MRPL50: variants seen among roughly 807,000 people sequenced by gnomAD.
MRPL50 encodes mitochondrial ribosomal protein L50.
A neutral mutation model predicts 16.2 loss-of-function variants in MRPL50; 10 were observed. The ratio of observed to expected loss-of-function variants is 0.62; its 90% CI spans 0.38 to 1.05. The LOEUF (loss-of-function observed/expected upper bound fraction) is 1.05, where lower values mean the gene tolerates loss of function less well. Ranked by LOEUF, MRPL50 falls within the 50% of genes least tolerant of loss-of-function variation. The pLI is 0.01. For missense variants in MRPL50, 213 were observed against 187.1 expected (o/e 1.14, Z -0.81); for synonymous variants, 68 against 66.8 (o/e 1.02, Z -0.09).
chr9:101,396,179 C>T (rs1356863355), intron 1 of MRPL50, among the ~76,000 whole-genome samples: 1 of 152,030 alleles, frequency 6.6e-6, no homozygotes, highest in Non-Finnish European at 1.5e-5. Flanking sequence ...AAAAACGGCA[C>T]CCTTATATGC....
At chr9:101,391,126 C>A (rs1830265171) in intron 1 of MRPL50, among the ~76,000 whole-genome samples, 1 of 152,040 alleles carries the variant, frequency 6.6e-6, no homozygotes, top group African/African-American at 2.4e-5. Flanking sequence ...GATTCCCCAT[C>A]CTCCAAGATC....
intron 1 of MRPL50, among the ~76,000 whole-genome samples, chr9:101,394,431 A>G (rs1246727376): frequency 6.6e-6 from 1 of 152,104 alleles, no homozygotes; most frequent in Non-Finnish European, 1.5e-5. Context: ...GTTGGCAAGA[A>G]CTCACTTAGA....
Position 101,389,562 on chromosome 9 carries a change from C to A in MRPL50, c.*904G>T. 1 of 973,450 alleles carries A rather than the reference C, an allele frequency of 1.0e-6. No homozygotes were observed. The highest frequency in any genetic ancestry group is 1.4e-6 in the Non-Finnish European group (1 of 709,996). The allele number at this position is 973,450 out of a possible 1,614,324, so 60.3% of individuals were successfully genotyped here. A position where few individuals can be genotyped will look rare whatever the true frequency, so the allele number is the denominator to read the frequency against. ...CTTTTCTTTAGGAATTGTCAGCAGT[C>A]AGAACAATATAAGACATTCCTTCTG... On this transcript the variant is annotated 3_prime_UTR_variant, in exon 2 of 2. Coordinates refer to ENST00000374865, the MANE Select transcript of MRPL50 (RefSeq NM_019051.3).
intron 1 of MRPL50, 96 bp downstream of exon 1, chr9:101,398,405 G>T (rs1324477343): frequency 1.7e-6 from 2 of 1,195,436 alleles, no homozygotes; most frequent in Admixed American, 3.5e-5. Context: ...CTGATCAGGC[G>T]CGGGACCACG....
At chr9:101,397,023 T>C (rs1381307741) in intron 1 of MRPL50, among the ~76,000 whole-genome samples, 2 of 152,030 alleles carry the variant, frequency 1.3e-5, no homozygotes, top group East Asian at 1.9e-4. Context: ...TGAAGAGACG[T>C]TGGACAAAGG....
In MRPL50 at chr9:101,387,705, G is replaced by A. The variant is rs1395950091; in HGVS notation, c.*2761C>T. 2 of 152,050 alleles carry A rather than the reference G, an allele frequency of 1.3e-5. No homozygotes were observed. The highest frequency in any genetic ancestry group is 2.4e-5 in the African/African-American group (1 of 41,422). The allele number at this position is 152,050 out of a possible 1,614,324, so 9.4% of individuals were successfully genotyped here. A position where few individuals can be genotyped will look rare whatever the true frequency, so the allele number is the denominator to read the frequency against. ...TATGTAAAACCATTCTATTGAGTCT[G>A]AATCTCTATTTTATTAGCAGGCTTT... On this transcript the variant is annotated 3_prime_UTR_variant, in exon 2 of 2. Transcript: ENST00000374865.
intron 1 of MRPL50, among the ~76,000 whole-genome samples, chr9:101,395,283 G>A (rs1830325163): frequency 6.6e-6 from 1 of 152,130 alleles, no homozygotes; most frequent in South Asian, 2.1e-4. Flanking sequence ...ATGCTGGCAA[G>A]GATGTAAAGG....
intron 1 of MRPL50, among the ~76,000 whole-genome samples, chr9:101,394,388 C>T (rs1830314021): frequency 6.6e-6 from 1 of 152,144 alleles, no homozygotes; most frequent in Non-Finnish European, 1.5e-5. Flanking sequence ...TAATCTGGCT[C>T]AATCAGTTCT....
At chr9:101,396,998 CA>C (rs1588150241) in intron 1 of MRPL50, among the ~76,000 whole-genome samples, 2 of 151,966 alleles carry the variant, frequency 1.3e-5, no homozygotes, top group Non-Finnish European at 2.9e-5. Flanking sequence ...TGGTGGCTAC[CA>C]GGGGTGGCGG....
intron 1 of MRPL50, among the ~76,000 whole-genome samples, chr9:101,394,376 G>A (rs993609373): frequency 2.6e-5 from 4 of 152,124 alleles, no homozygotes; most frequent in East Asian, 1.9e-4. Flanking sequence ...CACCAAAGCC[G>A]GTAATCTGGC....
intron 1 of MRPL50, among the ~76,000 whole-genome samples, chr9:101,396,577 G>A (rs1830342834): frequency 6.6e-6 from 1 of 152,120 alleles, no homozygotes; most frequent in African/African-American, 2.4e-5. Flanking sequence ...GGATGAACCT[G>A]GAAAATATTA....
In MRPL50 at chr9:101,390,758, G is replaced by A. The variant is rs746320346; in HGVS notation, c.185C>T (p.Pro62Leu). 41 of 1,613,526 alleles carry A rather than the reference G, an allele frequency of 2.5e-5. No homozygotes were observed. Among genetic ancestry groups the A allele is most frequent in the Non-Finnish European group, 3.1e-5 (36 of 1,179,678 alleles). The change falls in exon 2 of 2, where the codon CCA becomes CTA. Residue 62 changes from proline to leucine, a missense_variant. Physicochemically the swap from Pro to Leu is moderately conservative, Grantham distance 98. Coordinates refer to ENST00000374865, the MANE Select transcript of MRPL50 (RefSeq NM_019051.3). ...CPPLRSRAYT[P>L]PEDLQSRLES... ...CAAACGACTCTGGAGATCTTCAGGT[G>A]GTGTGTATGCTCGGCTTCGTAAAGG...
chr9:101,389,513 A>G lies in MRPL50; in HGVS notation c.*953T>C, dbSNP rs536245543. 98 of 1,276,584 alleles carry G rather than the reference A, an allele frequency of 7.7e-5. 1 individual carries two copies. The African/African-American group carries it at 1.3e-3, about 17-fold the overall frequency. The allele number at this position is 1,276,584 out of a possible 1,614,324, so 79.1% of individuals were successfully genotyped here. A position where few individuals can be genotyped will look rare whatever the true frequency, so the allele number is the denominator to read the frequency against. ...CTGGGAAAGAGAATAAATGCAACTT[A>G]TTTTGTTAAAAACCCTTCTATCACT... On this transcript the variant is annotated 3_prime_UTR_variant, in exon 2 of 2. Transcript: ENST00000374865.
chr9:101,396,101 A>G (rs756472791), intron 1 of MRPL50, among the ~76,000 whole-genome samples: 19 of 152,332 alleles, frequency 1.2e-4, no homozygotes, highest in South Asian at 6.2e-4. Flanking sequence ...AAAAAATTAC[A>G]AATAAACATC....
intron 1 of MRPL50, among the ~76,000 whole-genome samples, chr9:101,393,990 CAAAAA>C (rs76598460): frequency 3.0e-5 from 2 of 66,484 alleles, no homozygotes; most frequent in Non-Finnish European, 6.4e-5. Context: ...TAATGCTAAG[CAAAAA>C]AAAAAAAAAA....
Position 101,398,612 on chromosome 9 carries a change from C to A in MRPL50, c.-20G>T, listed in dbSNP as rs1383839510. 1.9e-6 allele frequency: 3 copies of A among 1,611,778 alleles called. No individual in the cohort carries two copies. Among genetic ancestry groups the A allele is most frequent in the African/African-American group, 2.7e-5 (2 of 74,888 alleles). On this transcript the variant is annotated 5_prime_UTR_variant, in exon 1 of 2. Coordinates refer to ENST00000374865, the MANE Select transcript of MRPL50 (RefSeq NM_019051.3). ...CGCCATCTTCGATGAGATCCACGGG[C>A]CTGAGCGCAGCCTTCAGCCAGCAGT...
At chr9:101,397,066 C>A (rs1239096859) in intron 1 of MRPL50, among the ~76,000 whole-genome samples, 1 of 152,136 alleles carries the variant, frequency 6.6e-6, no homozygotes, top group Non-Finnish European at 1.5e-5. Context: ...GAATAAGTTC[C>A]AGAGATCTAA....
At chr9:101,394,218 T>C (rs1483228467) in intron 1 of MRPL50, among the ~76,000 whole-genome samples, 1 of 152,174 alleles carries the variant, frequency 6.6e-6, no homozygotes, top group East Asian at 1.9e-4. Flanking sequence ...GCTACAAGAT[T>C]AGAAATTATG....
Position 101,388,463 on chromosome 9 carries a change from A to G in MRPL50, c.*2003T>C, listed in dbSNP as rs1485840985. 3 of 152,094 alleles carry G rather than the reference A, an allele frequency of 2.0e-5. No individual in the cohort carries two copies. The highest frequency in any genetic ancestry group is 2.9e-5 in the Non-Finnish European group (2 of 67,998). The allele number at this position is 152,094 out of a possible 1,614,324, so 9.4% of individuals were successfully genotyped here. On this transcript the variant is annotated 3_prime_UTR_variant, in exon 2 of 2. Coordinates refer to ENST00000374865, the MANE Select transcript of MRPL50 (RefSeq NM_019051.3). ...ATGAAATCCTGTACATAAAATTCCA[A>G]TGATTCCATGCTGAATCTTTTACAC...
Sources: allele counts gnomAD v4.1 joint callset (sites outside exome capture counted in the v4.1 genomes callset), GRCh38; gene constraint gnomAD v4.1.1; transcripts MANE v1.5; gene names NCBI Gene and HGNC (gene_info 2026-07-23, HGNC 2026-07-21).